PRR5L: variants seen among roughly 807,000 people sequenced by gnomAD.
PRR5L encodes proline-rich protein 5-like.
In PRR5L, 21 loss-of-function variants were observed where a neutral mutation model predicts 36.4. The ratio of observed to expected loss-of-function variants is 0.58; its 90% CI spans 0.41 to 0.83. The LOEUF is 0.83. Among genes scored for constraint, PRR5L ranks in the 40% least tolerant of loss-of-function variants. The pLI, the probability that PRR5L is intolerant of heterozygous loss-of-function variation, is 0.00. For synonymous variants in PRR5L, 188 were observed against 197.0 expected (o/e 0.95, Z 0.38); for missense variants, 381 against 473.3 (o/e 0.80, Z 1.81).
intron 8 of PRR5L, among the ~76,000 whole-genome samples, chr11:36,456,362 A>C (rs879357596): frequency 1.3e-5 from 2 of 151,980 alleles, no homozygotes; most frequent in Non-Finnish European, 2.9e-5. Context: ...TCTCCCTTAC[A>C]CTGAGCTTGC....
chr11:36,446,677 G>A (rs1858838995), intron 7 of PRR5L, among the ~76,000 whole-genome samples: 1 of 152,164 alleles, frequency 6.6e-6, no homozygotes, highest in Admixed American at 6.5e-5. Context: ...TGGGGAGTGA[G>A]GGAAGCATAG....
At chr11:36,364,059 C>T (rs1857120889) in intron 1 of PRR5L, among the ~76,000 whole-genome samples, 1 of 152,160 alleles carries the variant, frequency 6.6e-6, no homozygotes, top group Non-Finnish European at 1.5e-5. Flanking sequence ...CTAGTGGGGG[C>T]AGAATGTCCA....
chr11:36,305,192 A>G (rs1221073635), intron 1 of PRR5L, among the ~76,000 whole-genome samples: 1 of 152,264 alleles, frequency 6.6e-6, no homozygotes, highest in African/African-American at 2.4e-5. Flanking sequence ...ATTATGTCAC[A>G]TTAAAAAGAT....
At chr11:36,311,679 A>G (rs1341726795) in intron 1 of PRR5L, among the ~76,000 whole-genome samples, 1 of 152,158 alleles carries the variant, frequency 6.6e-6, no homozygotes, top group Admixed American at 6.5e-5. Context: ...CTGGCACAGT[A>G]AGATCTTTTC....
chr11:36,306,148 C>T (rs952910669), intron 1 of PRR5L, among the ~76,000 whole-genome samples: 11 of 151,980 alleles, frequency 7.2e-5, no homozygotes, highest in African/African-American at 2.4e-4. Flanking sequence ...GTGCACAACG[C>T]GCAGGTTTGA....
intron 1 of PRR5L, among the ~76,000 whole-genome samples, chr11:36,359,202 G>A (rs577316160): frequency 1.0e-3 from 154 of 152,256 alleles, no homozygotes; most frequent in African/African-American, 3.6e-3. Context: ...AAGATCCAGG[G>A]GTCCTTTGTA....
rs367920780 is a variant in PRR5L, at chr11:36,441,329, C to T, written c.444+3853C>T. ...AGGCATTGGGTACACATTCCCATTCCAAAAGGGAGAATTTGGCCAAAAGAA... is the reference window on the plus strand; with the variant it reads ...AGGCATTGGGTACACATTCCCATTCTAAAAGGGAGAATTTGGCCAAAAGAA... On this transcript the variant is annotated intron_variant, in intron 6 of 8. Coordinates refer to ENST00000530639, the MANE Select transcript of PRR5L (RefSeq NM_001160167.2). Among the ~76,000 whole-genome samples, 19 of 152,312 alleles carry T rather than the reference C, an allele frequency of 1.2e-4. 1 individual carries two copies. In the East Asian group the frequency reaches 1.7e-3, roughly 14 times the overall value.
At chr11:36,430,544 A>G (rs1396699898) in intron 4 of PRR5L, among the ~76,000 whole-genome samples, 3 of 152,200 alleles carry the variant, frequency 2.0e-5, no homozygotes, top group African/African-American at 4.8e-5. Flanking sequence ...AAAATGTTCT[A>G]TTAGTACATT....
chr11:36,379,488 T>G (rs1857333508), intron 1 of PRR5L: 1 of 152,264 alleles, frequency 6.6e-6, no homozygotes. Flanking sequence ...AAGAGTTGCC[T>G]CTCTGTATGT....
intron 1 of PRR5L, among the ~76,000 whole-genome samples, chr11:36,330,593 G>C (rs987933871): frequency 6.6e-6 from 1 of 152,164 alleles, no homozygotes; most frequent in Non-Finnish European, 1.5e-5. Flanking sequence ...CATTCAAGGA[G>C]TCATTAGAGT....
intron 1 of PRR5L, among the ~76,000 whole-genome samples, chr11:36,375,210 T>C (rs1463328502): frequency 6.7e-6 from 1 of 148,940 alleles, no homozygotes; most frequent in African/African-American, 2.5e-5. Flanking sequence ...CACTCCAGCC[T>C]GGATGACAGA....
At chr11:36,305,986 T>C (rs944563006) in intron 1 of PRR5L, among the ~76,000 whole-genome samples, 1 of 152,196 alleles carries the variant, frequency 6.6e-6, no homozygotes, top group Non-Finnish European at 1.5e-5. Context: ...TGCTGGCACT[T>C]TGTCTTTTTG....
chr11:36,457,009 CA>C (rs1735613362), intron 8 of PRR5L, among the ~76,000 whole-genome samples: 1 of 152,244 alleles, frequency 6.6e-6, no homozygotes, highest in Non-Finnish European at 1.5e-5. Flanking sequence ...GGCCTGTGAG[CA>C]GCCAGAGTGG....
At chr11:36,308,436 A>C (rs1856457570) in intron 1 of PRR5L, among the ~76,000 whole-genome samples, 1 of 152,210 alleles carries the variant, frequency 6.6e-6, no homozygotes, top group African/African-American at 2.4e-5. Context: ...GGTCTCCACT[A>C]GATAATTTCT....
intron 1 of PRR5L, among the ~76,000 whole-genome samples, chr11:36,357,516 C>A (rs1857040167): frequency 6.6e-6 from 1 of 152,168 alleles, no homozygotes; most frequent in African/African-American, 2.4e-5. Context: ...TTCTTAGGAG[C>A]CAATGCAGCT....
At chr11:36,387,005 G>A (rs1171234216) in intron 1 of PRR5L, among the ~76,000 whole-genome samples, 5 of 152,262 alleles carry the variant, frequency 3.3e-5, no homozygotes, top group South Asian at 2.1e-4. Flanking sequence ...ATGGGCTGGC[G>A]CAGGGGCAGG....
chr11:36,355,364 T>C (rs1857014786), intron 1 of PRR5L, among the ~76,000 whole-genome samples: 1 of 152,200 alleles, frequency 6.6e-6, no homozygotes, highest in African/African-American at 2.4e-5. Flanking sequence ...ATGCAATATG[T>C]GGCAGACAGT....
intron 7 of PRR5L, among the ~76,000 whole-genome samples, chr11:36,449,465 C>T (rs1858899504): frequency 6.6e-6 from 1 of 152,214 alleles, no homozygotes; most frequent in South Asian, 2.1e-4. Flanking sequence ...TGTACAAATA[C>T]TCCTACAGTG....
intron 1 of PRR5L, among the ~76,000 whole-genome samples, chr11:36,325,125 G>T (rs888624245): frequency 6.6e-6 from 1 of 152,136 alleles, no homozygotes; most frequent in Non-Finnish European, 1.5e-5. Flanking sequence ...TGGAATCTTG[G>T]GCCATGCGGT....
Sources: allele counts gnomAD v4.1 joint callset (sites outside exome capture counted in the v4.1 genomes callset), GRCh38; gene constraint gnomAD v4.1.1; transcripts MANE v1.5; gene names NCBI Gene and HGNC (gene_info 2026-07-23, HGNC 2026-07-21).